Variants in CNTNAP2 observed in about 807,000 individuals in gnomAD.
CNTNAP2 encodes contactin-associated protein-like 2.
CNTNAP2 carries 98 observed loss-of-function variants against 155.2 expected under a neutral mutation model. That is an observed-to-expected ratio of 0.63 (90% CI 0.54 to 0.75). The LOEUF is 0.75. Ranked by LOEUF, CNTNAP2 falls within the 30% of genes least tolerant of loss-of-function variation. CNTNAP2 has a pLI of 0.00. For missense variants in CNTNAP2, 1,727 were observed against 1,688.1 expected, an observed-to-expected ratio of 1.02 and a Z score of -0.40; for synonymous variants, 651 against 631.2, an observed-to-expected ratio of 1.03 and a Z score of -0.47.
At chr7:148,224,634 G>A (rs1443418462) in intron 19 of CNTNAP2, among the ~76,000 whole-genome samples, 1 of 152,178 alleles carries the variant, frequency 6.6e-6, no homozygotes, top group African/African-American at 2.4e-5. Context: ...TGAAAACATG[G>A]GGAAGAAGAC....
At chr7:146,673,935 G>C (rs1485413249) in intron 1 of CNTNAP2, among the ~76,000 whole-genome samples, 4 of 152,118 alleles carry the variant, frequency 2.6e-5, no homozygotes, top group African/African-American at 9.7e-5. Context: ...CAGTCAGAGT[G>C]TGTCCTACTT....
chr7:146,948,855 A>G (rs1159460557), intron 3 of CNTNAP2, among the ~76,000 whole-genome samples: 1 of 152,160 alleles, frequency 6.6e-6, no homozygotes, highest in East Asian at 1.9e-4. Context: ...TGTTCCTATC[A>G]TTATGCAACC....
intron 1 of CNTNAP2, among the ~76,000 whole-genome samples, chr7:146,351,447 C>T (rs1794913703): frequency 6.6e-6 from 1 of 152,062 alleles, no homozygotes. Context: ...AATTTCAAAA[C>T]AGCAAAAATG....
intron 1 of CNTNAP2, among the ~76,000 whole-genome samples, chr7:146,560,039 T>G (rs1376992243): frequency 6.6e-6 from 1 of 152,216 alleles, no homozygotes; most frequent in Non-Finnish European, 1.5e-5. Context: ...TTTTATTTGC[T>G]TGCAGAAACG....
chr7:147,051,898 G>A (rs1026339636), intron 4 of CNTNAP2, among the ~76,000 whole-genome samples: 18 of 152,200 alleles, frequency 1.2e-4, no homozygotes, highest in African/African-American at 4.3e-4. Context: ...AGTCCAAGCT[G>A]TTTGTTTGAA....
At chr7:146,868,225 A>G (rs1795241805) in intron 3 of CNTNAP2, among the ~76,000 whole-genome samples, 1 of 152,064 alleles carries the variant, frequency 6.6e-6, no homozygotes, top group African/African-American at 2.4e-5. Flanking sequence ...TCCAGCTTCA[A>G]TCTTTTCCAT....
intron 13 of CNTNAP2, among the ~76,000 whole-genome samples, chr7:147,851,305 C>G (rs1157451181): frequency 6.6e-6 from 1 of 152,096 alleles, no homozygotes. Context: ...GAAATAGGAA[C>G]ACTTTTACAC....
At chr7:147,392,024 C>T (rs547040731) in intron 9 of CNTNAP2, among the ~76,000 whole-genome samples, 150 of 152,190 alleles carry the variant, frequency 9.9e-4, no homozygotes, top group Non-Finnish European at 1.3e-3. Flanking sequence ...CTTCAATACT[C>T]TACCTGGAAA....
At chr7:147,842,590 T>A (rs1285579408) in intron 13 of CNTNAP2, among the ~76,000 whole-genome samples, 56 of 62,954 alleles carry the variant, frequency 8.9e-4, no homozygotes, top group African/African-American at 4.7e-3. Context: ...TACTTTTCTT[T>A]TTTTTTTTTT....
intron 1 of CNTNAP2, among the ~76,000 whole-genome samples, chr7:146,292,784 A>G (rs539845167): frequency 2.0e-5 from 3 of 152,322 alleles, no homozygotes; most frequent in South Asian, 4.1e-4. Flanking sequence ...CAGAAAGTCA[A>G]ATACGTTATA....
intron 8 of CNTNAP2, among the ~76,000 whole-genome samples, chr7:147,207,729 C>A (rs977558995): frequency 6.6e-6 from 1 of 152,032 alleles, no homozygotes; most frequent in African/African-American, 2.4e-5. Flanking sequence ...GTGATATTGT[C>A]ATGTATTCTA....
chr7:147,659,963 T>A (rs1227715609), intron 13 of CNTNAP2, among the ~76,000 whole-genome samples: 1 of 152,228 alleles, frequency 6.6e-6, no homozygotes, highest in Non-Finnish European at 1.5e-5. Context: ...CTCTGATTCA[T>A]TAGTTCTCTC....
At chr7:146,301,839 G>A (rs1464265819) in intron 1 of CNTNAP2, among the ~76,000 whole-genome samples, 3 of 152,132 alleles carry the variant, frequency 2.0e-5, no homozygotes, top group Non-Finnish European at 4.4e-5. Flanking sequence ...CAAAGAAATT[G>A]TTGTGGTATT....
intron 1 of CNTNAP2, among the ~76,000 whole-genome samples, chr7:146,760,520 G>A (rs750906940): frequency 1.4e-5 from 2 of 139,594 alleles, no homozygotes. Context: ...TGCCTCCTGG[G>A]TTCAAGCCAT....
At chr7:146,296,655 A>C (rs1329883004) in intron 1 of CNTNAP2, among the ~76,000 whole-genome samples, 1 of 152,120 alleles carries the variant, frequency 6.6e-6, no homozygotes. Flanking sequence ...TCCCAGTAAA[A>C]CACACATTTT....
intron 8 of CNTNAP2, among the ~76,000 whole-genome samples, chr7:147,280,434 G>A (rs889833781): frequency 6.6e-6 from 1 of 151,796 alleles, no homozygotes; most frequent in Non-Finnish European, 1.5e-5. Context: ...ATGCAAACTC[G>A]TTTACGAAAA....
intron 15 of CNTNAP2, among the ~76,000 whole-genome samples, chr7:148,071,065 T>C (rs1191388303): frequency 2.6e-5 from 4 of 152,212 alleles, no homozygotes; most frequent in Non-Finnish European, 1.5e-5. Context: ...ACAATGTTTA[T>C]CATTATAAGT....
At chr7:148,283,186 C>T (rs1385978776) in intron 21 of CNTNAP2, among the ~76,000 whole-genome samples, 1 of 142,916 alleles carries the variant, frequency 7.0e-6, no homozygotes, top group Non-Finnish European at 1.5e-5. Flanking sequence ...TGCAGTGAGC[C>T]ACCAAGATCA....
intron 1 of CNTNAP2, among the ~76,000 whole-genome samples, chr7:146,673,087 C>T (rs557875900): frequency 6.6e-6 from 1 of 151,862 alleles, no homozygotes; most frequent in East Asian, 1.9e-4. Context: ...AGTAGTTTTT[C>T]TTGTTACATT....
Sources: allele counts gnomAD v4.1 joint callset (sites outside exome capture counted in the v4.1 genomes callset), GRCh38; gene constraint gnomAD v4.1.1; transcripts MANE v1.5; gene names NCBI Gene and HGNC (gene_info 2026-07-23, HGNC 2026-07-21).